CUTC: variants seen among roughly 807,000 people sequenced by gnomAD.
CUTC encodes the protein cutC copper transporter.
In CUTC, 27 loss-of-function variants were observed where a neutral mutation model predicts 36.2. The observed-to-expected ratio is 0.75, with a 90% CI of 0.55 to 1.03. CUTC has a LOEUF of 1.03. CUTC is among the 50% of genes least tolerant of loss of function. The probability of loss-of-function intolerance (pLI) is 0.00; values close to 1 mark genes in which losing one functional copy is unlikely to be tolerated. For missense variants in CUTC, 315 were observed against 343.5 expected (o/e 0.92, Z 0.66); for synonymous variants, 114 against 118.3 (o/e 0.96, Z 0.24).
intron 1 of CUTC, among the ~76,000 whole-genome samples, chr10:99,733,832 C>T (rs568426387): frequency 2.9e-4 from 44 of 152,280 alleles, no homozygotes; most frequent in African/African-American, 1.1e-3. Flanking sequence ...GGGACAACTG[C>T]CTTGCTCTGC....
At chr10:99,732,604 G>T (rs1218993985) in intron 1 of CUTC, 195 bp downstream of exon 1, 2 of 1,431,026 alleles carry the variant, frequency 1.4e-6, no homozygotes, top group Non-Finnish European at 1.8e-6. Flanking sequence ...AGCGAGAATG[G>T]CTCAGCTGTG....
At position 99,744,072 on chromosome 10, in the gene CUTC, G is replaced by A. The variant is rs1233120867; in HGVS notation, c.439G>A (p.Ala147Thr). 13 of 1,611,100 alleles carry A rather than the reference G, an allele frequency of 8.1e-6. No homozygotes were observed. The highest frequency in any genetic ancestry group is 1.0e-5 in the Non-Finnish European group (12 of 1,178,886). Residue 147 changes from alanine (A) to threonine (T), a missense_variant and splice_region_variant, in exon 5 of 9, where the codon GCC (alanine) becomes ACC (threonine). By Grantham distance (58) the Ala-to-Thr change is moderately conservative. Transcript: ENST00000370476. ...CRPLPVTFHRAFDMVHDPMAA... is the reference protein window; with the variant it reads ...CRPLPVTFHRTFDMVHDPMAA... ...CCCTCTGCCAGTCACTTTCCACCGA[G>A]GTGAGTCATTTTCATTTTAAAAGTT...
intron 5 of CUTC, among the ~76,000 whole-genome samples, chr10:99,744,993 C>T (rs916293385): frequency 6.6e-6 from 1 of 152,146 alleles, no homozygotes; most frequent in African/African-American, 2.4e-5. Flanking sequence ...CCTCGTGATC[C>T]ACCCGCCTTG....
At chr10:99,754,449 A>G (rs1020265130) in intron 7 of CUTC, 80 bp from the exon 8 acceptor site, 6 of 910,924 alleles carry the variant, frequency 6.6e-6, no homozygotes, top group Middle Eastern at 2.2e-4. Flanking sequence ...GATTCCAAGT[A>G]AAGTAAGCAG....
chr10:99,743,441 A>C lies in CUTC; in HGVS notation c.403+79A>C, dbSNP rs188539039. ...TCACAATATAGAAAAACAACATCAC[A>C]AAACTGACTTTGCGGTCATAGCTAC... On this transcript the variant is annotated intron_variant, in intron 4 of 8. Coordinates refer to ENST00000370476, the MANE Select transcript of CUTC (RefSeq NM_015960.3). 1.2e-5 allele frequency: 16 copies of C among 1,342,116 alleles called. No individual in the cohort carries two copies. The East Asian group carries it at 1.4e-4, about 12-fold the overall frequency. The allele number at this position is 1,342,116 out of a possible 1,614,324, so 83.1% of individuals were successfully genotyped here. A position where few individuals can be genotyped will look rare whatever the true frequency, so the allele number is the denominator to read the frequency against.
chr10:99,732,501 T>C, intron 1 of CUTC, 92 bp downstream of exon 1: 1 of 1,534,946 alleles, frequency 6.5e-7, no homozygotes, highest in Non-Finnish European at 8.8e-7. Flanking sequence ...TCTTCTGGAG[T>C]CGTTTCCTCA....
rs781062722 is a variant in CUTC at position 99,739,754 on chromosome 10, A to C, written c.178A>C (p.Thr60Pro). 4 of 1,610,912 alleles carry C rather than the reference A, an allele frequency of 2.5e-6. No individual in the cohort carries two copies. Among genetic ancestry groups the C allele is most frequent in the East Asian group, 4.5e-5 (2 of 44,636 alleles). The change falls in exon 3 of 9, where the codon ACT becomes CCT. Residue 60 changes from threonine (T) to proline (P), a missense_variant. Thr to Pro is a conservative substitution (Grantham distance 38, BLOSUM62 -1). Coordinates refer to ENST00000370476, the MANE Select transcript of CUTC (RefSeq NM_015960.3). ...ATGTTCTGGTTTATCAGAGGGGGGA[A>C]CTACACCCAGCATGGGTAAGTGTCC... ...ELCSGLSEGG[T>P]TPSMGVLQVV...
chr10:99,753,388 C>A (rs1247020671), intron 7 of CUTC, among the ~76,000 whole-genome samples: 2 of 152,148 alleles, frequency 1.3e-5, no homozygotes, highest in African/African-American at 2.4e-5. Flanking sequence ...CAGTCTAAAT[C>A]TACTCAGCCT....
At chr10:99,751,751 G>T (rs2037420014) in intron 7 of CUTC, among the ~76,000 whole-genome samples, 2 of 152,264 alleles carry the variant, frequency 1.3e-5, no homozygotes, top group South Asian at 4.1e-4. Flanking sequence ...CCAGCTACTT[G>T]GGAGGCTGAG....
Position 99,735,952 on chromosome 10 carries a change from A to C in CUTC, c.62-294A>C, listed in dbSNP as rs80007609. ...GCAGGCATTGAGAAGCATTGTAAGA[A>C]TCTCAGCTGGAATGTGATGATGAGG... On this transcript the variant is annotated intron_variant, in intron 1 of 8. Transcript: ENST00000370476. Among the ~76,000 whole-genome samples the C allele has an allele frequency of 1.3e-3, 205 of 152,352 alleles. 3 individuals carry two copies. The East Asian group carries it at 0.036, about 27-fold the overall frequency.
Position 99,732,383 on chromosome 10 carries a change from G to C in CUTC, c.35G>C (p.Arg12Pro), listed in dbSNP as rs373427904. ...KRQGASSERK[R>P]ARIPSGKAGA... is the part of the protein sequence containing the mutation. Reference sequence around the variant, plus strand: ...CAGGGGGCCTCCTCTGAGCGAAAACGAGCGCGGATACCGTCCGGGAAGGCC... The same window carrying C: ...CAGGGGGCCTCCTCTGAGCGAAAACCAGCGCGGATACCGTCCGGGAAGGCC... The change falls in exon 1 of 9, where the codon CGA becomes CCA. Residue 12 changes from arginine to proline, a missense_variant. By Grantham distance (103) the Arg-to-Pro change is moderately radical. Transcript: ENST00000370476. The C allele has an allele frequency of 1.3e-6, 2 of 1,553,204 alleles. No homozygotes were observed. Among genetic ancestry groups the C allele is most frequent in the Non-Finnish European group, 8.7e-7 (1 of 1,148,178 alleles).
chr10:99,735,472 A>G (rs1455744830), intron 1 of CUTC, among the ~76,000 whole-genome samples: 3 of 152,174 alleles, frequency 2.0e-5, no homozygotes, highest in Non-Finnish European at 2.9e-5. Context: ...CAGTAGCACA[A>G]TCTTGGCTCA....
Position 99,747,316 on chromosome 10 carries a change from G to A in CUTC, c.499G>A (p.Glu167Lys). 1.9e-6 allele frequency: 3 copies of A among 1,614,146 alleles called. No homozygotes were observed. The highest frequency in any genetic ancestry group is 2.5e-6 in the Non-Finnish European group (3 of 1,180,000). ...GGAGACCCTCTTAACCTTGGGATTTGAACGCGTGTTGACCAGTGGATGTGA... is the reference window on the plus strand; with the variant it reads ...GGAGACCCTCTTAACCTTGGGATTTAAACGCGTGTTGACCAGTGGATGTGA... ...ALETLLTLGF[E>K]RVLTSGCDSS... The change falls in exon 6 of 9, where the codon GAA (glutamate) becomes AAA (lysine). Residue 167 changes from glutamate (E) to lysine (K), a missense_variant. By Grantham distance (56) the Glu-to-Lys change is moderately conservative. Coordinates refer to ENST00000370476, the MANE Select transcript of CUTC (RefSeq NM_015960.3).
At chr10:99,751,957 G>C (rs1408979956) in intron 7 of CUTC, among the ~76,000 whole-genome samples, 2 of 152,188 alleles carry the variant, frequency 1.3e-5, no homozygotes, top group Non-Finnish European at 2.9e-5. Context: ...TGTTCCTCGT[G>C]CCTCTGTATA....
intron 7 of CUTC, among the ~76,000 whole-genome samples, chr10:99,751,542 C>T (rs1448613873): frequency 2.7e-5 from 3 of 112,874 alleles, no homozygotes; most frequent in Non-Finnish European, 5.3e-5. Flanking sequence ...TTTTATTTTT[C>T]TTGCTTTAAA....
intron 6 of CUTC, among the ~76,000 whole-genome samples, chr10:99,748,606 T>C (rs1266482676): frequency 1.9e-4 from 29 of 152,200 alleles, no homozygotes; most frequent in Admixed American, 1.9e-3. Context: ...TAGAGCTCTA[T>C]TTTTAAAAGG....
At position 99,743,265 on chromosome 10, in the gene CUTC, C is replaced by A; in HGVS notation, c.306C>A (p.Asp102Glu). Residue 102 changes from aspartate (D) to glutamate (E), a missense_variant, in exon 4 of 9, where the codon GAC (aspartate) becomes GAA (glutamate). Physicochemically the swap from Asp to Glu is conservative, Grantham distance 45. Transcript: ENST00000370476. ...SDREIEVMKA[D>E]IRLAKLYGAD... ...GTGAAATTGAGGTGATGAAGGCTGA[C>A]ATTCGTCTTGCCAAGCTTTATGGTG... 6.2e-7 allele frequency: 1 copy of A among 1,614,178 alleles called. No individual in the cohort carries two copies. The highest frequency in any genetic ancestry group is 1.3e-5 in the African/African-American group (1 of 75,048).
intron 5 of CUTC, among the ~76,000 whole-genome samples, chr10:99,746,168 A>G (rs1300425809): frequency 1.3e-5 from 2 of 152,204 alleles, no homozygotes; most frequent in Non-Finnish European, 2.9e-5. Context: ...ATAAAATCTT[A>G]AGTATGCACC....
intron 3 of CUTC, among the ~76,000 whole-genome samples, chr10:99,742,292 T>C (rs1427928924): frequency 1.3e-5 from 2 of 152,108 alleles, no homozygotes; most frequent in Non-Finnish European, 2.9e-5. Flanking sequence ...TGTGTATGAA[T>C]TGTGGTCTCC....
Sources: allele counts gnomAD v4.1 joint callset (sites outside exome capture counted in the v4.1 genomes callset), GRCh38; gene constraint gnomAD v4.1.1; transcripts MANE v1.5; gene names NCBI Gene and HGNC (gene_info 2026-07-23, HGNC 2026-07-21).